Variants in AHNAK2 observed in about 807,000 individuals in gnomAD.
The protein encoded by AHNAK2 is AHNAK nucleoprotein 2, also known as protein AHNAK2.
Under a neutral mutation model 30.7 loss-of-function variants are expected in AHNAK2, and 18 were observed. The ratio of observed to expected loss-of-function variants is 0.59; its 90% CI spans 0.41 to 0.87. The LOEUF (loss-of-function observed/expected upper bound fraction) is 0.87. Among genes scored for constraint, AHNAK2 ranks in the 40% least tolerant of loss-of-function variants. The probability of loss-of-function intolerance (pLI) is 0.00; values close to 1 mark genes in which losing one functional copy is unlikely to be tolerated. For synonymous variants in AHNAK2, 3,590 were observed against 3,073.8 expected (o/e 1.17, Z -5.56); for missense variants, 8,604 against 7,373.0 (o/e 1.17, Z -6.11).
rs755779262 is a variant in AHNAK2 at position 104,953,245 on chromosome 14, C to T, written c.2206G>A (p.Asp736Asn). 15 of 1,612,988 alleles carry T rather than the reference C, an allele frequency of 9.3e-6. No individual in the cohort carries two copies. The South Asian group carries it at 1.4e-4, about 15-fold the overall frequency. ...QTPSADLEVQ[D>N]GQVDVKLPEG... ...GGAAGTTTCACATCCACTTGGCCAT[C>T]CTGGACCTCCAGGTCAGCGGAAGGG... Residue 736 changes from aspartate (D) to asparagine (N), a missense_variant, in exon 7 of 7, where the codon GAT becomes AAT. By Grantham distance (23) the Asp-to-Asn change is conservative. Transcript: ENST00000333244.
intron 1 of AHNAK2, among the ~76,000 whole-genome samples, chr14:104,961,331 A>C (rs186344496): frequency 6.6e-6 from 1 of 151,908 alleles, no homozygotes; most frequent in African/African-American, 2.4e-5. Context: ...TGGCTAACAC[A>C]GTGAAACCCC....
In AHNAK2 at chr14:104,950,931, G is replaced by A; in HGVS notation, c.4520C>T (p.Ala1507Val). Residue 1507 changes from alanine (A) to valine (V), a missense_variant, in exon 7 of 7, where the codon GCC (alanine) becomes GTC (valine). Physicochemically the swap from Ala to Val is moderately conservative, Grantham distance 64. Transcript: ENST00000333244. ...TGAGGCCTCGATGGACTTGCCTGGGGCAGACACCCCGAACGACGGCATCTT... is the reference window on the plus strand; with the variant it reads ...TGAGGCCTCGATGGACTTGCCTGGGACAGACACCCCGAACGACGGCATCTT... ...KFKMPSFGVSAPGKSIEASVD... is the reference protein window; with the variant it reads ...KFKMPSFGVSVPGKSIEASVD... 6.4e-7 allele frequency: 1 copy of A among 1,552,170 alleles called. No individual in the cohort carries two copies. The highest frequency in any genetic ancestry group is 1.1e-5 in the South Asian group (1 of 88,304).
In AHNAK2 at chr14:104,952,879, C is replaced by T. The variant is rs1221938759; in HGVS notation, c.2572G>A (p.Val858Met). Residue 858 changes from valine (V) to methionine (M), a missense_variant, in exon 7 of 7, where the codon GTG becomes ATG. Physicochemically the swap from Val to Met is conservative, Grantham distance 21. Coordinates refer to ENST00000333244, the MANE Select transcript of AHNAK2 (RefSeq NM_138420.4). ...TCGGCCTCCACCTTCGGCGCAGACA[C>T]ATCCACCGAGTCCTCCATGGACTTG... ...PGKSMEDSVDVSAPKVEADVS... is the reference protein window; with the variant it reads ...PGKSMEDSVDMSAPKVEADVS... The T allele has an allele frequency of 4.3e-6, 7 of 1,612,404 alleles. No individual in the cohort carries two copies. The African/African-American group carries it at 8.1e-5, about 19-fold the overall frequency.
rs2819425 is a variant in AHNAK2, at chr14:104,944,923, A to G, written c.10528T>C (p.Ser3510Pro). ...APKVEADVSLSSMQGDLKATD... is the reference protein window; with the variant it reads ...APKVEADVSLPSMQGDLKATD... ...GCCTTGAGGTCCCCCTGCATGGAGGAGAGGCTCACGTCGGCCTCCACCTTC... is the reference window on the plus strand; with the variant it reads ...GCCTTGAGGTCCCCCTGCATGGAGGGGAGGCTCACGTCGGCCTCCACCTTC... The change falls in exon 7 of 7, where the codon TCC (serine) becomes CCC (proline). Residue 3510 changes from serine (S) to proline (P), a missense_variant. Physicochemically the swap from Ser to Pro is moderately conservative, Grantham distance 74. Transcript: ENST00000333244. 30,421 of 1,600,862 alleles carry G rather than the reference A, an allele frequency of 0.019. 394 individuals are homozygous for G. Among genetic ancestry groups the G allele is most frequent in the Middle Eastern group, 0.049 (291 of 5,998 alleles).
At chr14:104,959,754 G>A (rs1899084079) in intron 1 of AHNAK2, among the ~76,000 whole-genome samples, 1 of 152,230 alleles carries the variant, frequency 6.6e-6, no homozygotes, top group Non-Finnish European at 1.5e-5. Flanking sequence ...AAGTCCTTCG[G>A]ACTGAAAGGA....
At position 104,954,030 on chromosome 14, in the gene AHNAK2, C is replaced by T. The variant is rs770634629; in HGVS notation, c.1421G>A (p.Gly474Asp). 6.2e-7 allele frequency: 1 copy of T among 1,613,650 alleles called. No homozygotes were observed. The highest frequency in any genetic ancestry group is 1.1e-5 in the South Asian group (1 of 91,080). The change falls in exon 7 of 7, where the codon GGC becomes GAC. Residue 474 changes from glycine to aspartate, a missense_variant. Transcript: ENST00000333244. This position sits in a 1 kb window ranked among gnomAD's most constrained non-coding sequence, Gnocchi z 4.3. ...AATTTCTGGTGGGCCAATCTGTGTG[C>T]CTCCTTCGGTTGTGTCTCTCAAGGA... ...RLSLRDTTEGGTQIGPPEIRV... is the reference protein window; with the variant it reads ...RLSLRDTTEGDTQIGPPEIRV...
At chr14:104,974,772 G>A (rs767585973) in intron 1 of AHNAK2, among the ~76,000 whole-genome samples, 8 of 152,186 alleles carry the variant, frequency 5.3e-5, no homozygotes, top group Non-Finnish European at 7.3e-5. Context: ...ATCCCTGAGC[G>A]CAGGGTCCGT....
In AHNAK2 at chr14:104,938,051, G is replaced by A; in HGVS notation, c.*12C>T. ...TTTTTTGCATCTCTCTTGTACTGATGAGCCATACCTCTCAGCCTTCATTTG... is the reference window on the plus strand; with the variant it reads ...TTTTTTGCATCTCTCTTGTACTGATAAGCCATACCTCTCAGCCTTCATTTG... On this transcript the variant is annotated 3_prime_UTR_variant, in exon 7 of 7. Coordinates refer to ENST00000333244, the MANE Select transcript of AHNAK2 (RefSeq NM_138420.4). 6.2e-7 allele frequency: 1 copy of A among 1,608,452 alleles called. No homozygotes were observed. The highest frequency in any genetic ancestry group is 1.1e-5 in the South Asian group (1 of 90,520).
chr14:104,947,644 T>C lies in AHNAK2; in HGVS notation c.7807A>G (p.Thr2603Ala). 1 of 1,613,048 alleles carries C rather than the reference T, an allele frequency of 6.2e-7. No individual in the cohort carries two copies. The highest frequency in any genetic ancestry group is 8.5e-7 in the Non-Finnish European group (1 of 1,179,656). The change falls in exon 7 of 7, where the codon ACA becomes GCA. Residue 2603 changes from threonine to alanine, a missense_variant. Physicochemically the swap from Thr to Ala is moderately conservative, Grantham distance 58. Coordinates refer to ENST00000333244, the MANE Select transcript of AHNAK2 (RefSeq NM_138420.4). ...LDLKGPKAEVTAPDVEMSLSS... is the reference protein window; with the variant it reads ...LDLKGPKAEVAAPDVEMSLSS... ...AGAGACATCTCCACATCGGGGGCTG[T>C]CACTTCCGCCTTGGGGCCTTTCAGG... is the stretch of plus-strand genomic sequence containing the variant.
At chr14:104,967,468 C>T (rs1471454704) in intron 1 of AHNAK2, among the ~76,000 whole-genome samples, 2 of 152,220 alleles carry the variant, frequency 1.3e-5, no homozygotes, top group African/African-American at 4.8e-5. Flanking sequence ...GTGTCGACAG[C>T]AAGCCCTGGG....
At chr14:104,975,401 G>C (rs1899567854) in intron 1 of AHNAK2, among the ~76,000 whole-genome samples, 1 of 152,190 alleles carries the variant, frequency 6.6e-6, no homozygotes. Context: ...GAAAGAGCTG[G>C]GGTTGTTAGG....
rs2582513 is a variant in AHNAK2, at chr14:104,948,453, A to C, written c.6998T>G (p.Leu2333Arg). Residue 2333 changes from leucine (L) to arginine (R), a missense_variant, in exon 7 of 7, where the codon CTT becomes CGT. Transcript: ENST00000333244. ...FKMLSFGVSA[L>R]GKSIEASADV... ...CGCTGAGGCCTCGATGGACTTGCCA[A>C]GGGCAGACACCCCAAACGACAGCAT... 1 of 1,610,886 alleles carries C rather than the reference A, an allele frequency of 6.2e-7. No individual in the cohort carries two copies. Among genetic ancestry groups the C allele is most frequent in the South Asian group, 1.1e-5 (1 of 91,028 alleles).
rs755447181 is a variant in AHNAK2, at chr14:104,943,052, G to A, written c.12399C>T (p.Phe4133=). ...DKDVTAKDSK[F]KMPKFKMPSF... is the part of the protein sequence containing the mutation. ...ATGGCATCTTGAACTTGGGCATTTT[G>A]AACTTGCTGTCTTTGGCAGTCACAT... The change falls in exon 7 of 7, where the codon TTC becomes TTT. Residue 4133 remains phenylalanine (F), a synonymous_variant. Transcript: ENST00000333244. The A allele has an allele frequency of 6.2e-7, 1 of 1,612,824 alleles. No homozygotes were observed. The highest frequency in any genetic ancestry group is 1.3e-5 in the African/African-American group (1 of 74,608).
rs1898777855 is a variant in AHNAK2 at position 104,952,302 on chromosome 14, G to A, written c.3149C>T (p.Pro1050Leu). Reference protein sequence around the residue: ...DLKTTDLSIQPASTDLKVQAD... With the variant: ...DLKTTDLSIQLASTDLKVQAD... ...CTGGACCTTCAGGTCAGTAGAAGCA[G>A]GCTGAATGCTGAGGTCAGTGGTCTT... Residue 1050 changes from proline to leucine, a missense_variant, in exon 7 of 7, where the codon CCT (proline) becomes CTT (leucine). Coordinates refer to ENST00000333244, the MANE Select transcript of AHNAK2 (RefSeq NM_138420.4). 1.2e-6 allele frequency: 2 copies of A among 1,612,540 alleles called. No individual in the cohort carries two copies. Among genetic ancestry groups the A allele is most frequent in the Non-Finnish European group, 1.7e-6 (2 of 1,179,562 alleles).
rs1034562488 is a variant in AHNAK2 at position 104,941,496 on chromosome 14, A to T, written c.13955T>A (p.Ile4652Asn). 2 of 1,612,782 alleles carry T rather than the reference A, an allele frequency of 1.2e-6. No homozygotes were observed. The highest frequency in any genetic ancestry group is 2.7e-5 in the African/African-American group (2 of 74,914). The change falls in exon 7 of 7, where the codon ATC becomes AAC. Residue 4652 changes from isoleucine (I) to asparagine (N), a missense_variant. By Grantham distance (149) the Ile-to-Asn change is moderately radical. Transcript: ENST00000333244. ...CTCATGGAATGTAACATTTCCTTCGATTTCAGAGGAAGACATGGAAACTTT... is the reference window on the plus strand; with the variant it reads ...CTCATGGAATGTAACATTTCCTTCGTTTTCAGAGGAAGACATGGAAACTTT... ...SKKVSMSSSE[I>N]EGNVTFHEKT... is the part of the protein sequence containing the mutation.
intron 1 of AHNAK2, among the ~76,000 whole-genome samples, chr14:104,963,266 C>T (rs1899201461): frequency 6.6e-6 from 1 of 152,204 alleles, no homozygotes; most frequent in Non-Finnish European, 1.5e-5. Flanking sequence ...ACCAATGGAA[C>T]AGAACAGAGA....
chr14:104,944,987 TG>T lies in AHNAK2; in HGVS notation c.10463del (p.Pro3488GlnfsTer20). ...CCAGCGAGGCCTCGATGGACCTGCC[TG>T]GGGCCGACACCCCGAAGGAGGGCAT... Reference protein sequence around the residue: ...FKMPSFGVSAPGRSIEASLDV... With the variant: ...FKMPSFGVSAXGRSIEASLDV... On this transcript the variant is annotated frameshift_variant, in exon 7 of 7. Coordinates refer to ENST00000333244, the MANE Select transcript of AHNAK2 (RefSeq NM_138420.4). LOFTEE classifies it low-confidence loss of function (END_TRUNC). 1.2e-6 allele frequency: 2 copies of T among 1,612,988 alleles called. No homozygotes were observed. The highest frequency in any genetic ancestry group is 1.7e-6 in the Non-Finnish European group (2 of 1,179,558).
At position 104,957,611 on chromosome 14, in the gene AHNAK2, T is replaced by G; in HGVS notation, c.114+3A>C. 1.9e-6 allele frequency: 3 copies of G among 1,610,698 alleles called. No individual in the cohort carries two copies. Among genetic ancestry groups the G allele is most frequent in the Non-Finnish European group, 2.5e-6 (3 of 1,178,952 alleles). On this transcript the variant is annotated splice_donor_region_variant and intron_variant, in intron 2 of 6. Transcript: ENST00000333244. ...GGACACACTTCCTCCTGCTCTCACT[T>G]ACAGAGTGGTCATCTTCCGTTTCTG...
chr14:104,945,882 T>A lies in AHNAK2; in HGVS notation c.9569A>T (p.Asp3190Val), dbSNP rs866891117. 1 of 1,273,220 alleles carries A rather than the reference T, an allele frequency of 7.9e-7. No individual in the cohort carries two copies. The allele number at this position is 1,273,220 out of a possible 1,614,324, so 78.9% of individuals were successfully genotyped here. ...GGCAGAGGGGGGCTCAATGCTGATG[T>A]CAGTGTTCTTCAGGTCCCCCTGCAT... ...PSMQGDLKNT[D>V]ISIEPPSAQL... Residue 3190 changes from aspartate (D) to valine (V), a missense_variant, in exon 7 of 7, where the codon GAC becomes GTC. Physicochemically the swap from Asp to Val is radical, Grantham distance 152. Transcript: ENST00000333244.
Sources: allele counts gnomAD v4.1 joint callset (sites outside exome capture counted in the v4.1 genomes callset), GRCh38; gene constraint gnomAD v4.1.1; non-coding constraint Gnocchi (gnomAD v3.1); transcripts MANE v1.5; gene names NCBI Gene and HGNC (gene_info 2026-07-23, HGNC 2026-07-21).